Variants in KCNAB1 observed in about 807,000 individuals in gnomAD.
KCNAB1 encodes potassium voltage-gated channel subfamily A regulatory beta subunit 1.
A neutral mutation model predicts 64.6 loss-of-function variants in KCNAB1; 35 were observed. The observed-to-expected ratio is 0.54, with a 90% CI of 0.41 to 0.72. The LOEUF (loss-of-function observed/expected upper bound fraction) is 0.72. Among genes scored for constraint, KCNAB1 ranks in the 30% least tolerant of loss-of-function variants. KCNAB1 has a pLI of 0.00. For synonymous variants in KCNAB1, 177 were observed against 183.8 expected (o/e 0.96, Z 0.30); for missense variants, 401 against 512.9 (o/e 0.78, Z 2.11).
intron 1 of KCNAB1, among the ~76,000 whole-genome samples, chr3:156,399,401 C>A (rs1271505093): frequency 6.6e-6 from 1 of 152,112 alleles, no homozygotes; most frequent in Non-Finnish European, 1.5e-5. Context: ...TTGTGGGTTT[C>A]CAGTGAGCCC....
chr3:156,316,063 CA>C (rs1472582455), intron 1 of KCNAB1, among the ~76,000 whole-genome samples: 1 of 152,116 alleles, frequency 6.6e-6, no homozygotes, highest in Non-Finnish European at 1.5e-5. Context: ...TGGTACAACT[CA>C]AAAAAACTAG....
chr3:156,474,579 G>T, intron 7 of KCNAB1, 155 bp from the exon 8 acceptor site: 2 of 531,794 alleles, frequency 3.8e-6, no homozygotes, highest in South Asian at 2.3e-5. Flanking sequence ...TTTTTAAAAC[G>T]TTCTAGAGTC....
intron 1 of KCNAB1, among the ~76,000 whole-genome samples, chr3:156,195,044 T>A (rs1708690993): frequency 6.6e-6 from 1 of 152,204 alleles, no homozygotes; most frequent in South Asian, 2.1e-4. Flanking sequence ...TGTTTGGTTT[T>A]CTGTTCCTGT....
intron 1 of KCNAB1, among the ~76,000 whole-genome samples, chr3:156,268,110 C>T (rs567763212): frequency 2.0e-5 from 3 of 148,138 alleles, no homozygotes; most frequent in South Asian, 4.3e-4. Flanking sequence ...ATTTTTTGAT[C>T]CCACAAATAA....
intron 1 of KCNAB1, among the ~76,000 whole-genome samples, chr3:156,134,441 C>T (rs1714182186): frequency 6.6e-6 from 1 of 152,082 alleles, no homozygotes; most frequent in African/African-American, 2.4e-5. Flanking sequence ...AAATTATGAC[C>T]AAGAAAGAAT....
intron 1 of KCNAB1, among the ~76,000 whole-genome samples, chr3:156,326,695 C>T (rs1186346137): frequency 6.6e-6 from 1 of 152,138 alleles, no homozygotes; most frequent in Non-Finnish European, 1.5e-5. Flanking sequence ...GTTCTCTCTA[C>T]CTGGAAAGCT....
At chr3:156,513,113 G>A (rs1354704794) in intron 8 of KCNAB1, among the ~76,000 whole-genome samples, 2 of 152,182 alleles carry the variant, frequency 1.3e-5, no homozygotes, top group Non-Finnish European at 2.9e-5. Flanking sequence ...TCGGGAGGCT[G>A]AGGCAGGAGA....
At chr3:156,153,682 T>C (rs1406455972) in intron 1 of KCNAB1, among the ~76,000 whole-genome samples, 1 of 152,244 alleles carries the variant, frequency 6.6e-6, no homozygotes, top group East Asian at 1.9e-4. Flanking sequence ...TTCTGCCTGA[T>C]TGTTGGATCT....
At chr3:156,496,415 C>T (rs1716013857) in intron 8 of KCNAB1, among the ~76,000 whole-genome samples, 1 of 152,080 alleles carries the variant, frequency 6.6e-6, no homozygotes, top group Non-Finnish European at 1.5e-5. Flanking sequence ...AAGGCAGTTT[C>T]CCTGCACATG....
At chr3:156,175,731 C>T in intron 1 of KCNAB1, 1 of 545,794 alleles carries the variant, frequency 1.8e-6, no homozygotes, top group Non-Finnish European at 3.5e-6. Context: ...GGAATATGGC[C>T]ACCACCTCCT....
intron 1 of KCNAB1, among the ~76,000 whole-genome samples, chr3:156,417,561 C>T (rs1009215776): frequency 3.3e-5 from 5 of 152,146 alleles, no homozygotes; most frequent in African/African-American, 9.7e-5. Flanking sequence ...ATACGTACAT[C>T]GAGAAACAAG....
At chr3:156,476,520 TATAC>T (rs1290756044) in intron 8 of KCNAB1, among the ~76,000 whole-genome samples, 266 of 111,324 alleles carry the variant, frequency 2.4e-3, no homozygotes, top group African/African-American at 9.5e-3. Flanking sequence ...TATATATATA[TATAC>T]ACACACACAC....
intron 1 of KCNAB1, among the ~76,000 whole-genome samples, chr3:156,304,273 T>C (rs534998286): frequency 2.7e-4 from 41 of 152,340 alleles, no homozygotes; most frequent in African/African-American, 9.6e-4. Context: ...AGTAAAATCA[T>C]TCTTTATGCT....
At chr3:156,331,709 A>G (rs1046937644) in intron 1 of KCNAB1, among the ~76,000 whole-genome samples, 29 of 152,032 alleles carry the variant, frequency 1.9e-4, no homozygotes, top group Admixed American at 1.8e-3. Context: ...AGCTATGTCC[A>G]TGTTTGGCAG....
intron 8 of KCNAB1, among the ~76,000 whole-genome samples, chr3:156,501,323 T>C (rs1716386866): frequency 2.0e-5 from 3 of 151,924 alleles, no homozygotes; most frequent in African/African-American, 4.8e-5. Flanking sequence ...AAGGAGTATA[T>C]GGTATATGAA....
intron 2 of KCNAB1, among the ~76,000 whole-genome samples, chr3:156,445,036 G>A (rs537597039): frequency 5.6e-4 from 86 of 152,342 alleles, no homozygotes; most frequent in Non-Finnish European, 9.8e-4. Context: ...TGTGGCTCAC[G>A]CCTGTAATAC....
At chr3:156,322,277 A>C (rs887800480) in intron 1 of KCNAB1, among the ~76,000 whole-genome samples, 1 of 152,168 alleles carries the variant, frequency 6.6e-6, no homozygotes, top group Non-Finnish European at 1.5e-5. Flanking sequence ...ATCAAATTTG[A>C]ATATGTTAAA....
chr3:156,358,365 G>C (rs1362988320), intron 1 of KCNAB1, among the ~76,000 whole-genome samples: 1 of 152,158 alleles, frequency 6.6e-6, no homozygotes, highest in African/African-American at 2.4e-5. Flanking sequence ...AGCAAGAAGG[G>C]AAGGAGAAGG....
At chr3:156,448,951 C>T (rs1711791989) in intron 2 of KCNAB1, among the ~76,000 whole-genome samples, 1 of 152,002 alleles carries the variant, frequency 6.6e-6, no homozygotes, top group South Asian at 2.1e-4. Context: ...AAGTGTAGCC[C>T]TCAGACAGCT....
Sources: allele counts gnomAD v4.1 joint callset (sites outside exome capture counted in the v4.1 genomes callset), GRCh38; gene constraint gnomAD v4.1.1; transcripts MANE v1.5; gene names NCBI Gene and HGNC (gene_info 2026-07-23, HGNC 2026-07-21).